The following DDX50 variants were observed in gnomAD, a reference collection of about 807,000 sequenced individuals.
The protein encoded by DDX50 is ATP-dependent RNA helicase DDX50.
A neutral mutation model predicts 94.8 loss-of-function variants in DDX50; 56 were observed. That is an observed-to-expected ratio of 0.59 (90% CI 0.48 to 0.74). DDX50 has a LOEUF of 0.74. DDX50 is among the 30% of genes least tolerant of loss of function. DDX50 has a pLI of 0.00. For missense variants in DDX50, 713 were observed against 881.2 expected, an observed-to-expected ratio of 0.81 and a Z score of 2.42; for synonymous variants, 264 against 295.4, an observed-to-expected ratio of 0.89 and a Z score of 1.09.
intron 8 of DDX50, among the ~76,000 whole-genome samples, chr10:68,925,095 G>GTTTTTT (rs1239190321): frequency 1.8e-4 from 5 of 28,562 alleles, no homozygotes; most frequent in African/African-American, 3.4e-4. Flanking sequence ...CCTGCTCATG[G>GTTTTTT]TTTTTTTTTT....
At position 68,913,592 on chromosome 10, in the gene DDX50, A is replaced by C; in HGVS notation, c.943+16A>C. The stretch of plus-strand genomic sequence containing the variant: ...TACAAAACTGGTATATCCTAATTCA[A>C]AATAAGCACATTAGCAATTATTGTT... On this transcript the variant is annotated intron_variant, in intron 6 of 14. Coordinates refer to ENST00000373585, the MANE Select transcript of DDX50 (RefSeq NM_024045.2). 6.3e-7 allele frequency: 1 copy of C among 1,589,752 alleles called. No homozygotes were observed. The highest frequency in any genetic ancestry group is 8.6e-7 in the Non-Finnish European group (1 of 1,168,638).
chr10:68,923,840 G>A (rs1842005951), intron 8 of DDX50, among the ~76,000 whole-genome samples: 1 of 151,156 alleles, frequency 6.6e-6, no homozygotes, highest in South Asian at 2.1e-4. Flanking sequence ...CACCATACCC[G>A]GCCATATATG....
At chr10:68,926,007 C>CT (rs1776394574) in intron 8 of DDX50, among the ~76,000 whole-genome samples, 1 of 111,656 alleles carries the variant, frequency 9.0e-6, no homozygotes, top group South Asian at 2.9e-4. Context: ...GAGCAAGACT[C>CT]TGTCTCCAAA....
intron 8 of DDX50, among the ~76,000 whole-genome samples, chr10:68,930,746 TG>T (rs1471037545): frequency 5.9e-5 from 9 of 152,144 alleles, no homozygotes; most frequent in Non-Finnish European, 1.5e-5. Context: ...CTCAACTGCG[TG>T]GGCCAAAGTG....
rs138338414 is a variant in DDX50 at position 68,943,721 on chromosome 10, C to G, written c.1935+464C>G. Among the ~76,000 whole-genome samples the G allele has an allele frequency of 3.4e-3, 521 of 152,188 alleles. 4 individuals are homozygous for G. The highest frequency in any genetic ancestry group is 0.012 in the African/African-American group (489 of 41,522). On this transcript the variant is annotated intron_variant, in intron 14 of 14. Coordinates refer to ENST00000373585, the MANE Select transcript of DDX50 (RefSeq NM_024045.2). The stretch of plus-strand genomic sequence containing the variant: ...TGCTGGGATTACAGGCGTGAGCCAC[C>G]GCTCCTGGCCCCCTGCCTGGCTAAT...
chr10:68,940,821 CTT>C (rs1842537149), intron 12 of DDX50, among the ~76,000 whole-genome samples: 1 of 152,108 alleles, frequency 6.6e-6, no homozygotes, highest in Non-Finnish European at 1.5e-5. Context: ...TTAATTCTCT[CTT>C]AAAGCATAAT....
In DDX50 at chr10:68,910,330, A is replaced by T. The variant is rs980012003; in HGVS notation, c.408A>T (p.Glu136Asp). The change falls in exon 3 of 15, where the codon GAA becomes GAT. Residue 136 changes from glutamate to aspartate, a missense_variant. By Grantham distance (45) the Glu-to-Asp change is conservative. Transcript: ENST00000373585. ...AGACCTTAACACGTGAACAGAAAGA[A>T]GGAGCCTTCTCCAATTTTCCTATTT... ...LEETLTREQK[E>D]GAFSNFPISE... 2 of 1,608,052 alleles carry T rather than the reference A, an allele frequency of 1.2e-6. No individual in the cohort carries two copies. The highest frequency in any genetic ancestry group is 1.7e-6 in the Non-Finnish European group (2 of 1,178,524).
At chr10:68,902,317 C>A (rs1841316244) in intron 1 of DDX50, among the ~76,000 whole-genome samples, 1 of 151,854 alleles carries the variant, frequency 6.6e-6, no homozygotes, top group Non-Finnish European at 1.5e-5. Context: ...AAGAAATCAG[C>A]TGAAGAGGCT....
intron 1 of DDX50, among the ~76,000 whole-genome samples, chr10:68,903,755 C>A (rs36085789): frequency 0.1 from 15,809 of 151,644 alleles, 1,058 homozygotes; most frequent in Admixed American, 0.16. Flanking sequence ...GAGCTGAAAT[C>A]GCACCACTGC....
intron 8 of DDX50, among the ~76,000 whole-genome samples, chr10:68,929,272 CCTTCCTTCCTTCCTTCCTTCCTCT>C (rs1842171552): frequency 1.3e-5 from 1 of 78,780 alleles, no homozygotes; most frequent in Non-Finnish European, 3.1e-5. Flanking sequence ...TTCCTTCCTT[CCTTCCTTCCTTCCTTCCTTCCTCT>C]CTCTCTCTCT....
intron 1 of DDX50, 35 bp from the exon 2 acceptor site, chr10:68,906,676 G>T: frequency 1.3e-6 from 2 of 1,590,600 alleles, no homozygotes; most frequent in South Asian, 2.3e-5. Flanking sequence ...GAAAACCTCT[G>T]ACCATCTTGT....
At chr10:68,916,353 C>CAA (rs11420993) in intron 7 of DDX50, among the ~76,000 whole-genome samples, 14,992 of 122,982 alleles carry the variant, frequency 0.12, 1,130 homozygotes, top group Admixed American at 0.18. Context: ...GACTCTGTCT[C>CAA]AAAAAAAAAA....
At chr10:68,928,135 C>G (rs1842138023) in intron 8 of DDX50, among the ~76,000 whole-genome samples, 1 of 151,934 alleles carries the variant, frequency 6.6e-6, no homozygotes, top group African/African-American at 2.4e-5. Flanking sequence ...GGAAACATAG[C>G]AAGAATCTGT....
intron 8 of DDX50, among the ~76,000 whole-genome samples, chr10:68,926,774 TACACACAC>T (rs67773821): frequency 2.2e-3 from 306 of 140,416 alleles, no homozygotes; most frequent in Middle Eastern, 0.015. Flanking sequence ...CACACAGAGA[TACACACAC>T]ACACACACAC....
At chr10:68,945,883 A>C (rs1410547677) in intron 14 of DDX50, among the ~76,000 whole-genome samples, 1 of 152,148 alleles carries the variant, frequency 6.6e-6, no homozygotes, top group East Asian at 1.9e-4. Flanking sequence ...CTGAGATACC[A>C]AATAGTGCTG....
chr10:68,926,875 A>T (rs760898064), intron 8 of DDX50, among the ~76,000 whole-genome samples: 1 of 151,940 alleles, frequency 6.6e-6, no homozygotes, highest in Non-Finnish European at 1.5e-5. Flanking sequence ...TGAATGTAGT[A>T]TGTTCCTCTT....
chr10:68,938,839 T>C (rs570688255), intron 12 of DDX50, among the ~76,000 whole-genome samples: 1 of 152,360 alleles, frequency 6.6e-6, no homozygotes, highest in African/African-American at 2.4e-5. Flanking sequence ...GTATTATGTC[T>C]CTTTAGTCTC....
chr10:68,909,281 T>C (rs1010923825), intron 2 of DDX50, among the ~76,000 whole-genome samples: 1 of 152,222 alleles, frequency 6.6e-6, no homozygotes, highest in African/African-American at 2.4e-5. Flanking sequence ...ACATGAACAA[T>C]AAAGCTTACT....
chr10:68,905,233 A>G (rs895524456), intron 1 of DDX50, among the ~76,000 whole-genome samples: 1 of 152,176 alleles, frequency 6.6e-6, no homozygotes, highest in Non-Finnish European at 1.5e-5. Flanking sequence ...CTAAAGTCCT[A>G]AATTCCCAAA....
Sources: allele counts gnomAD v4.1 joint callset (sites outside exome capture counted in the v4.1 genomes callset), GRCh38; gene constraint gnomAD v4.1.1; transcripts MANE v1.5; gene names NCBI Gene and HGNC (gene_info 2026-07-23, HGNC 2026-07-21).